SYT9: variants seen among roughly 807,000 people sequenced by gnomAD.
SYT9 encodes synaptotagmin-9.
SYT9 carries 22 observed loss-of-function variants against 48.4 expected under a neutral mutation model. The ratio of observed to expected loss-of-function variants is 0.45; its 90% CI spans 0.32 to 0.65. The LOEUF (loss-of-function observed/expected upper bound fraction) is 0.65, where lower values mean the gene tolerates loss of function less well. Ranked by LOEUF, SYT9 falls within the 30% of genes least tolerant of loss-of-function variation. The pLI is 0.03. For missense variants in SYT9, 577 were observed against 622.0 expected (o/e 0.93, Z 0.77); for synonymous variants, 265 against 245.0 (o/e 1.08, Z -0.76).
At chr11:7,425,630 G>A (rs1411354730) in intron 6 of SYT9, among the ~76,000 whole-genome samples, 1 of 152,202 alleles carries the variant, frequency 6.6e-6, no homozygotes, top group African/African-American at 2.4e-5. Context: ...AGGCCCCCAA[G>A]ACTGCAGGTC....
At position 7,313,057 on chromosome 11, in the gene SYT9, A is replaced by G. The variant is rs574307667; in HGVS notation, c.498-338A>G. Reference sequence around the variant, plus strand: ...TAAAGTTGAATAATTTTATTTTTAAAGCAGTTTGTACAAATCTTTACATTC... The same window carrying G: ...TAAAGTTGAATAATTTTATTTTTAAGGCAGTTTGTACAAATCTTTACATTC... On this transcript the variant is annotated intron_variant, in intron 2 of 6. Transcript: ENST00000318881. Among the ~76,000 whole-genome samples, 6 of 152,344 alleles carry G rather than the reference A, an allele frequency of 3.9e-5. No individual in the cohort carries two copies. In the South Asian group the frequency reaches 1.2e-3, roughly 32 times the overall value.
At chr11:7,324,571 G>C (rs540227094) in intron 3 of SYT9, among the ~76,000 whole-genome samples, 1 of 151,894 alleles carries the variant, frequency 6.6e-6, no homozygotes, top group African/African-American at 2.4e-5. Flanking sequence ...CTTTATGTTT[G>C]CAAATTTTGA....
intron 6 of SYT9, chr11:7,435,413 C>G (rs1847683919): frequency 6.6e-6 from 1 of 152,110 alleles, no homozygotes; most frequent in Non-Finnish European, 1.5e-5. Context: ...TCTCTAAAGC[C>G]CCCATGCACA....
intron 1 of SYT9, among the ~76,000 whole-genome samples, chr11:7,295,413 T>C (rs1848781389): frequency 6.6e-6 from 1 of 152,236 alleles, no homozygotes; most frequent in Admixed American, 6.5e-5. Context: ...TTCCAGTTTC[T>C]AATAATATGT....
At chr11:7,262,552 T>G (rs537087421) in intron 1 of SYT9, among the ~76,000 whole-genome samples, 1 of 152,102 alleles carries the variant, frequency 6.6e-6, no homozygotes, top group South Asian at 2.1e-4. Context: ...AAAGGAAGAT[T>G]AATGAAGAGA....
At chr11:7,426,167 A>G (rs1325548166) in intron 6 of SYT9, among the ~76,000 whole-genome samples, 3 of 151,974 alleles carry the variant, frequency 2.0e-5, no homozygotes, top group Non-Finnish European at 4.4e-5. Flanking sequence ...CCAGCTAGGT[A>G]TAGGGAAGTA....
chr11:7,321,256 T>C (rs910320336), intron 3 of SYT9, among the ~76,000 whole-genome samples: 1 of 152,248 alleles, frequency 6.6e-6, no homozygotes, highest in Non-Finnish European at 1.5e-5. Context: ...AAAACTCTTA[T>C]TTCAGCAAGG....
intron 1 of SYT9, among the ~76,000 whole-genome samples, chr11:7,239,502 C>T (rs1206058905): frequency 6.6e-6 from 1 of 152,182 alleles, no homozygotes; most frequent in Non-Finnish European, 1.5e-5. Context: ...CCACAACTGC[C>T]TTGGACTAAT....
At chr11:7,346,697 T>A (rs1236596149) in intron 3 of SYT9, among the ~76,000 whole-genome samples, 1 of 152,206 alleles carries the variant, frequency 6.6e-6, no homozygotes, top group Non-Finnish European at 1.5e-5. Flanking sequence ...TTTTAAAATG[T>A]TTTACTTTTC....
chr11:7,262,745 A>G (rs1848103016), intron 1 of SYT9, among the ~76,000 whole-genome samples: 3 of 152,072 alleles, frequency 2.0e-5, no homozygotes, highest in Admixed American at 6.6e-5. Context: ...AGTAATGTTG[A>G]CAAGCATTTT....
At chr11:7,298,565 G>A (rs1209741491) in intron 1 of SYT9, among the ~76,000 whole-genome samples, 2 of 151,946 alleles carry the variant, frequency 1.3e-5, no homozygotes, top group Non-Finnish European at 2.9e-5. Flanking sequence ...CACAGTTTAG[G>A]AAGACAACCA....
At chr11:7,377,665 G>A (rs1165900079) in intron 3 of SYT9, among the ~76,000 whole-genome samples, 1 of 152,154 alleles carries the variant, frequency 6.6e-6, no homozygotes, top group African/African-American at 2.4e-5. Flanking sequence ...ACATTGCATG[G>A]AAAAGGGAAG....
chr11:7,420,729 C>A, intron 6 of SYT9, 94 bp downstream of exon 6: 2 of 1,500,818 alleles, frequency 1.3e-6, no homozygotes, highest in Non-Finnish European at 1.8e-6. Flanking sequence ...GCACCAGGAT[C>A]TATGGTCATA....
At chr11:7,395,123 G>A (rs754736528) in intron 3 of SYT9, among the ~76,000 whole-genome samples, 28 of 151,732 alleles carry the variant, frequency 1.8e-4, no homozygotes, top group Non-Finnish European at 1.5e-5. Flanking sequence ...TCACCCGAGC[G>A]GTATATACTG....
intron 3 of SYT9, among the ~76,000 whole-genome samples, chr11:7,389,201 G>T (rs1369368776): frequency 2.5e-4 from 38 of 152,194 alleles, no homozygotes; most frequent in African/African-American, 9.2e-4. Flanking sequence ...GAATATAACA[G>T]CATTTCTGGG....
At position 7,303,262 on chromosome 11, in the gene SYT9, T is replaced by C. The variant is rs1848964830; in HGVS notation, c.369T>C (p.Pro123=). Residue 123 remains proline (P), a synonymous_variant, in exon 2 of 7, where the codon CCT becomes CCC. Transcript: ENST00000318881. ...TCCTAGATCCTCCCACGCCCTGCCCTGACTCCTCCATGAAGATCAGCCACA... is the reference window on the plus strand; with the variant it reads ...TCCTAGATCCTCCCACGCCCTGCCCCGACTCCTCCATGAAGATCAGCCACA... ...EDFLDPPTPC[P]DSSMKISHTS... The C allele has an allele frequency of 1.2e-6, 2 of 1,613,826 alleles. No individual in the cohort carries two copies. The highest frequency in any genetic ancestry group is 2.7e-5 in the African/African-American group (2 of 75,026).
At chr11:7,414,893 G>A (rs1288807683) in intron 3 of SYT9, among the ~76,000 whole-genome samples, 1 of 152,144 alleles carries the variant, frequency 6.6e-6, no homozygotes, top group Admixed American at 6.5e-5. Context: ...TGAATCCCCA[G>A]AGCATTGTCA....
upstream of SYT9, among the ~76,000 whole-genome samples, chr11:7,249,291 A>G (rs559524832): frequency 6.6e-6 from 1 of 152,286 alleles, no homozygotes; most frequent in Non-Finnish European, 1.5e-5. Context: ...AAGTTGCAAG[A>G]TCTTTTCAAG....
intron 1 of SYT9, among the ~76,000 whole-genome samples, chr11:7,265,639 G>A (rs1224437638): frequency 1.3e-5 from 2 of 148,878 alleles, no homozygotes; most frequent in Admixed American, 6.8e-5. Context: ...ACCCAAACTC[G>A]AAAATGTGTT....
Sources: allele counts gnomAD v4.1 joint callset (sites outside exome capture counted in the v4.1 genomes callset), GRCh38; gene constraint gnomAD v4.1.1; transcripts MANE v1.5; gene names NCBI Gene and HGNC (gene_info 2026-07-23, HGNC 2026-07-21).